GIGYF2: variants seen among roughly 807,000 people sequenced by gnomAD.
GIGYF2 encodes GRB10 interacting GYF protein 2.
In GIGYF2, 25 loss-of-function variants were observed where a neutral mutation model predicts 208.1. The observed-to-expected ratio is 0.12, with a 90% CI of 0.09 to 0.17. GIGYF2 has a LOEUF of 0.17. GIGYF2 is among the 10% of genes least tolerant of loss of function. The pLI is 1.00. For missense variants in GIGYF2, 1,302 were observed against 1,579.4 expected, an observed-to-expected ratio of 0.82 and a Z score of 2.98; for synonymous variants, 534 against 543.8, an observed-to-expected ratio of 0.98 and a Z score of 0.25.
chr2:232,852,138 G>T (rs1176888153), intron 28 of GIGYF2, among the ~76,000 whole-genome samples: 4 of 152,194 alleles, frequency 2.6e-5, no homozygotes, highest in Admixed American at 2.6e-4. Flanking sequence ...ACAGTGAGAG[G>T]CAGGTGGTAA....
chr2:232,763,875 C>T (rs1444488923), intron 8 of GIGYF2, among the ~76,000 whole-genome samples: 1 of 151,464 alleles, frequency 6.6e-6, no homozygotes, highest in African/African-American at 2.4e-5. Flanking sequence ...CTGTCTCTTT[C>T]TCAAAGTACT....
chr2:232,838,286 G>C (rs12623027), intron 22 of GIGYF2, among the ~76,000 whole-genome samples: 1 of 151,042 alleles, frequency 6.6e-6, no homozygotes, highest in Non-Finnish European at 1.5e-5. Flanking sequence ...GTGTGCATGT[G>C]TATATATATA....
At chr2:232,851,610 G>A (rs533922977) in intron 28 of GIGYF2, among the ~76,000 whole-genome samples, 4 of 152,158 alleles carry the variant, frequency 2.6e-5, no homozygotes, top group African/African-American at 9.6e-5. Context: ...AGTAGAGAGG[G>A]GTTTTTGCCA....
intron 8 of GIGYF2, among the ~76,000 whole-genome samples, chr2:232,779,225 G>GT (rs1245797913): frequency 6.6e-6 from 1 of 152,094 alleles, no homozygotes; most frequent in African/African-American, 2.4e-5. Flanking sequence ...CATTTCTTCG[G>GT]TGAATGAACA....
At position 232,794,808 on chromosome 2, in the gene GIGYF2, T is replaced by C. The variant is rs779260579; in HGVS notation, c.1343T>C (p.Leu448Pro). The C allele has an allele frequency of 3.7e-6, 6 of 1,613,950 alleles. No homozygotes were observed. Among genetic ancestry groups the C allele is most frequent in the Non-Finnish European group, 5.1e-6 (6 of 1,179,852 alleles). Residue 448 changes from leucine to proline, a missense_variant, in exon 13 of 29, where the codon CTT (leucine) becomes CCT (proline). Physicochemically the swap from Leu to Pro is moderately conservative, Grantham distance 98 (BLOSUM62 -3). Coordinates refer to ENST00000373563, the MANE Select transcript of GIGYF2 (RefSeq NM_001103146.3). ...ATTCCTTCAGATACAGCCTCTCCTC[T>C]TCTCATACTTCCACCTCCTGTTCCC... is the stretch of plus-strand genomic sequence containing the variant. ...SQIPSDTASPLLILPPPVPNP... is the reference protein window; with the variant it reads ...SQIPSDTASPPLILPPPVPNP...
At chr2:232,707,543 C>T (rs1424534535) in intron 2 of GIGYF2, among the ~76,000 whole-genome samples, 3 of 152,132 alleles carry the variant, frequency 2.0e-5, no homozygotes, top group African/African-American at 7.2e-5. Flanking sequence ...ACTGGATTAG[C>T]AGCCGTCCTG....
Position 232,815,757 on chromosome 2 carries a change from GC to G in GIGYF2, c.2208+21del. On this transcript the variant is annotated intron_variant, in intron 19 of 28. Transcript: ENST00000373563. ...GCAAAGGTCTGAAACTCATTCTTCT[GC>G]AACAGTGCATTGTCATCTGGCTGCA... is the stretch of plus-strand genomic sequence containing the variant. The G allele has an allele frequency of 8.4e-7, 1 of 1,197,402 alleles. No homozygotes were observed. 74.2% of individuals were successfully genotyped at this position (1,197,402 alleles called of 1,614,324 possible).
chr2:232,817,719 G>A (rs1405184293), intron 20 of GIGYF2, among the ~76,000 whole-genome samples: 4 of 152,118 alleles, frequency 2.6e-5, no homozygotes, highest in Non-Finnish European at 1.5e-5. Context: ...TTCTTAAAAA[G>A]GTTGAATAAT....
chr2:232,856,756 T>C (rs1247811811), intron 28 of GIGYF2, 37 bp from the exon 29 acceptor site: 1 of 1,391,742 alleles, frequency 7.2e-7, no homozygotes, highest in Non-Finnish European at 1.0e-6. Context: ...CTTGGTTGCC[T>C]GGGTGTGGTC....
intron 22 of GIGYF2, among the ~76,000 whole-genome samples, chr2:232,839,235 A>G (rs974015506): frequency 2.6e-5 from 4 of 152,194 alleles, no homozygotes; most frequent in Admixed American, 2.6e-4. Context: ...CAGGACCTAG[A>G]TATTTATACT....
intron 21 of GIGYF2, among the ~76,000 whole-genome samples, chr2:232,829,962 C>CGTTT (rs1553618915): frequency 1.3e-5 from 2 of 151,902 alleles, no homozygotes; most frequent in Non-Finnish European, 2.9e-5. Flanking sequence ...TTCATTCATT[C>CGTTT]GTTTGTTTGT....
chr2:232,800,277 C>G (rs1329918823), intron 14 of GIGYF2, among the ~76,000 whole-genome samples: 1 of 152,084 alleles, frequency 6.6e-6, no homozygotes, highest in Non-Finnish European at 1.5e-5. Flanking sequence ...GCACTTAGAT[C>G]TTTGATCCAT....
intron 2 of GIGYF2, among the ~76,000 whole-genome samples, chr2:232,726,827 T>C (rs1025002967): frequency 1.2e-4 from 18 of 152,230 alleles, no homozygotes; most frequent in African/African-American, 4.3e-4. Flanking sequence ...GAAATCATTA[T>C]GCACTAAGCA....
chr2:232,709,013 G>A (rs911179058), intron 2 of GIGYF2, among the ~76,000 whole-genome samples: 3 of 152,018 alleles, frequency 2.0e-5, no homozygotes, highest in Non-Finnish European at 2.9e-5. Context: ...TCCCAGCTAC[G>A]CGGGAGGCTG....
At chr2:232,797,854 GC>G (rs1700272260) in intron 14 of GIGYF2, among the ~76,000 whole-genome samples, 1 of 151,952 alleles carries the variant, frequency 6.6e-6, no homozygotes, top group Non-Finnish European at 1.5e-5. Context: ...GGTGGCATGT[GC>G]CTGTAGTCCC....
chr2:232,763,689 C>T (rs573165961), intron 8 of GIGYF2, among the ~76,000 whole-genome samples: 4 of 151,784 alleles, frequency 2.6e-5, no homozygotes, highest in African/African-American at 4.8e-5. Context: ...ATTAGCCAGG[C>T]GTGGTGGGTG....
rs771406136 is a variant in GIGYF2 at position 232,818,541 on chromosome 2, C to T, written c.2371-1286C>T. ...ATTTATTAAAGAGACTGTCGTTTCC[C>T]CCATTGTGTGTTTGTGGCATCTATG... is the stretch of plus-strand genomic sequence containing the variant. On this transcript the variant is annotated intron_variant, in intron 20 of 28. Transcript: ENST00000373563. Among the ~76,000 whole-genome samples the T allele has an allele frequency of 2.3e-4, 35 of 152,130 alleles. 1 individual carries two copies. The highest frequency in any genetic ancestry group is 2.4e-4 in the Non-Finnish European group (16 of 68,018).
At chr2:232,819,453 A>C (rs1701012192) in intron 20 of GIGYF2, among the ~76,000 whole-genome samples, 1 of 152,128 alleles carries the variant, frequency 6.6e-6, no homozygotes, top group South Asian at 2.1e-4. Context: ...TGCCCTCTCT[A>C]TGCCTTAAGT....
chr2:232,822,368 A>G (rs1701112726), intron 21 of GIGYF2, among the ~76,000 whole-genome samples: 1 of 151,978 alleles, frequency 6.6e-6, no homozygotes, highest in South Asian at 2.1e-4. Context: ...TTTTGCTATT[A>G]TGAGTGGAAT....
Sources: gnomAD v4.1 joint callset for allele counts (sites outside exome capture counted in the v4.1 genomes callset) on GRCh38, gnomAD v4.1.1 for gene constraint, MANE v1.5 for transcripts, NCBI Gene and HGNC (gene_info 2026-07-23, HGNC 2026-07-21) for gene names.